Variants in UBASH3A observed in about 807,000 individuals in gnomAD.
UBASH3A encodes ubiquitin associated and SH3 domain containing A, also known as ubiquitin-associated and SH3 domain-containing protein A.
UBASH3A carries 63 observed loss-of-function variants against 73.5 expected under a neutral mutation model. The ratio of observed to expected loss-of-function variants is 0.86; its 90% CI spans 0.70 to 1.06. The LOEUF (loss-of-function observed/expected upper bound fraction) is 1.06, where lower values mean the gene tolerates loss of function less well. UBASH3A is among the 50% of genes least tolerant of loss of function. The pLI is 0.00. For missense variants in UBASH3A, 860 were observed against 859.0 expected (o/e 1.00, Z -0.02); for synonymous variants, 363 against 351.1 (o/e 1.03, Z -0.38).
chr21:42,430,956 G>A (rs1000394514), intron 8 of UBASH3A, among the ~76,000 whole-genome samples: 2 of 152,192 alleles, frequency 1.3e-5, no homozygotes, highest in African/African-American at 2.4e-5. Flanking sequence ...GTAGGTGAAG[G>A]GCCGATGTCA....
At chr21:42,443,530 T>A in intron 13 of UBASH3A, 112 bp downstream of exon 13, 1 of 863,344 alleles carries the variant, frequency 1.2e-6, no homozygotes, top group Middle Eastern at 3.1e-4. Flanking sequence ...TTCTCCTGCC[T>A]GCCCCCGCCC....
chr21:42,420,550 T>G (rs1184086492), intron 7 of UBASH3A, among the ~76,000 whole-genome samples: 2 of 152,184 alleles, frequency 1.3e-5, no homozygotes, highest in African/African-American at 4.8e-5. Flanking sequence ...TACACACATC[T>G]ATATTGATTT....
At chr21:42,408,768 A>C (rs879721486) in intron 2 of UBASH3A, among the ~76,000 whole-genome samples, 7 of 151,990 alleles carry the variant, frequency 4.6e-5, no homozygotes, top group Non-Finnish European at 7.4e-5. Context: ...CTGAAATCCC[A>C]GCCAGTCAGG....
At chr21:42,440,637 G>A (rs760591205) in intron 11 of UBASH3A, among the ~76,000 whole-genome samples, 3 of 152,176 alleles carry the variant, frequency 2.0e-5, no homozygotes, top group Non-Finnish European at 2.9e-5. Flanking sequence ...CTGGCTGGCC[G>A]CCCACTAGCA....
In UBASH3A at chr21:42,413,226, G is replaced by A; in HGVS notation, c.553+4G>A. On this transcript the variant is annotated splice_donor_region_variant and intron_variant, in intron 4 of 14. Transcript: ENST00000319294. The surrounding 1 kb of genome is among the most constrained non-coding windows in gnomAD (Gnocchi z 4.5). Reference sequence around the variant, plus strand: ...ACGGAAGCATCTCTCTTAGCAGGTGGGCAGCCCTGGCCAGTTGCAAACACA... The same window carrying A: ...ACGGAAGCATCTCTCTTAGCAGGTGAGCAGCCCTGGCCAGTTGCAAACACA... 6.2e-7 allele frequency: 1 copy of A among 1,614,128 alleles called. No homozygotes were observed. Among genetic ancestry groups the A allele is most frequent in the Non-Finnish European group, 8.5e-7 (1 of 1,180,024 alleles).
chr21:42,417,601 T>G (rs1274810821), intron 6 of UBASH3A: 2 of 152,164 alleles, frequency 1.3e-5, no homozygotes, highest in Non-Finnish European at 2.9e-5. Context: ...CACAATTCAC[T>G]TTAAAGAATG....
chr21:42,440,283 T>C (rs2053717496), intron 11 of UBASH3A, among the ~76,000 whole-genome samples: 2 of 152,182 alleles, frequency 1.3e-5, no homozygotes, highest in Admixed American at 6.5e-5. Flanking sequence ...ATCAGAAATG[T>C]GAAGGGGCAG....
intron 3 of UBASH3A, among the ~76,000 whole-genome samples, chr21:42,411,526 GACAC>G (rs1369518159): frequency 6.6e-6 from 1 of 150,950 alleles, no homozygotes; most frequent in Non-Finnish European, 1.5e-5. Context: ...GACATACGCA[GACAC>G]ACAGACACAC....
intron 5 of UBASH3A, among the ~76,000 whole-genome samples, chr21:42,414,273 T>C (rs2053159420): frequency 6.6e-6 from 1 of 152,348 alleles, no homozygotes; most frequent in South Asian, 2.1e-4. Context: ...CCCTGAATCC[T>C]GGGCTTCCAC....
chr21:42,435,159 A>G (rs1477618192), intron 10 of UBASH3A: 8 of 481,748 alleles, frequency 1.7e-5, no homozygotes, highest in African/African-American at 2.0e-5. Flanking sequence ...TAGAGGTTTG[A>G]TCTAGGAATG....
chr21:42,438,708 G>A (rs1241726844), intron 11 of UBASH3A, among the ~76,000 whole-genome samples: 1 of 152,180 alleles, frequency 6.6e-6, no homozygotes, highest in Admixed American at 6.5e-5. Flanking sequence ...GAGTGCAGGA[G>A]AAAGGAGGTG....
rs1216370444 is a variant in UBASH3A, at chr21:42,413,831, TTTAGAC to T, written c.667+310_667+315del. 3.3e-5 allele frequency among the ~76,000 whole-genome samples: 5 copies of T among 152,150 alleles called. No homozygotes were observed. Among genetic ancestry groups the T allele is most frequent in the Non-Finnish European group, 5.9e-5 (4 of 68,012 alleles). On this transcript the variant is annotated intron_variant, in intron 5 of 14. Coordinates refer to ENST00000319294, the MANE Select transcript of UBASH3A (RefSeq NM_018961.4). This position sits in a 1 kb window ranked among gnomAD's most constrained non-coding sequence, Gnocchi z 4.5. ...CCTTGGCCTCTCCAGGGAAAGATTA[TTTAGAC>T]TCATATTCAGAATCATCAAAATTCC...
At chr21:42,416,333 GCT>G (rs1318030338) in intron 5 of UBASH3A, 107 bp from the exon 6 acceptor site, 49 of 1,206,496 alleles carry the variant, frequency 4.1e-5, no homozygotes, top group Non-Finnish European at 5.3e-5. Flanking sequence ...GGCCAAATGA[GCT>G]CTGAGTTCTG....
intron 6 of UBASH3A, chr21:42,417,734 G>A (rs922354689): frequency 2.0e-5 from 3 of 151,630 alleles, no homozygotes; most frequent in Non-Finnish European, 2.9e-5. Context: ...GTTCTGTATC[G>A]TATGAGGTGT....
In UBASH3A at chr21:42,443,425, G is replaced by A. The variant is rs1218501546; in HGVS notation, c.1738+7G>A. 3 of 1,596,478 alleles carry A rather than the reference G, an allele frequency of 1.9e-6. No homozygotes were observed. Among genetic ancestry groups the A allele is most frequent in the Non-Finnish European group, 2.6e-6 (3 of 1,171,246 alleles). On this transcript the variant is annotated splice_region_variant and intron_variant, in intron 13 of 14. Transcript: ENST00000319294. ...AACACCTGTCCACAGGACAGTAAGTGCCTCACCATCCTCAGTATGAACAGC... is the reference window on the plus strand; with the variant it reads ...AACACCTGTCCACAGGACAGTAAGTACCTCACCATCCTCAGTATGAACAGC...
rs374847418 is a variant in UBASH3A at position 42,434,908 on chromosome 21, C to T, written c.1347C>T (p.Asn449=). Residue 449 remains asparagine, a synonymous_variant, in exon 10 of 15, where the codon AAC becomes AAT. Transcript: ENST00000319294. ...RRSRGIKDFE[N]DPPLSSCGIF... Reference sequence around the variant, plus strand: ...GTCGTGGGATCAAAGACTTTGAAAACGATCCCCCATTATCATCGTGTGGCA... The same window carrying T: ...GTCGTGGGATCAAAGACTTTGAAAATGATCCCCCATTATCATCGTGTGGCA... 205 of 1,614,204 alleles carry T rather than the reference C, an allele frequency of 1.3e-4. No individual in the cohort carries two copies. The highest frequency in any genetic ancestry group is 1.6e-4 in the Middle Eastern group (1 of 6,062).
At chr21:42,428,419 A>T (rs10483086) in intron 8 of UBASH3A, among the ~76,000 whole-genome samples, 5,184 of 152,106 alleles carry the variant, frequency 0.034, 98 homozygotes, top group Non-Finnish European at 0.04. Flanking sequence ...AGCGTTCACC[A>T]TGTGAGAAAG....
chr21:42,423,145 G>A (rs2053371011), intron 7 of UBASH3A, among the ~76,000 whole-genome samples: 1 of 152,178 alleles, frequency 6.6e-6, no homozygotes, highest in South Asian at 2.1e-4. Context: ...CATGGCGTGC[G>A]CTGTGAGCTC....
chr21:42,444,720 G>T, intron 14 of UBASH3A, 77 bp downstream of exon 14: 1 of 1,217,480 alleles, frequency 8.2e-7, no homozygotes. Context: ...TCCACTTCTC[G>T]GAATGAAAAC....
Sources: allele counts gnomAD v4.1 joint callset (sites outside exome capture counted in the v4.1 genomes callset), GRCh38; gene constraint gnomAD v4.1.1; non-coding constraint Gnocchi (gnomAD v3.1); transcripts MANE v1.5; gene names NCBI Gene and HGNC (gene_info 2026-07-23, HGNC 2026-07-21).